Variants in CHRM3 observed in about 807,000 individuals in gnomAD.
CHRM3 encodes cholinergic receptor muscarinic 3, also known as muscarinic acetylcholine receptor M3.
Under a neutral mutation model 41.8 loss-of-function variants are expected in CHRM3, and 11 were observed. That is an observed-to-expected ratio of 0.26 (90% CI 0.17 to 0.44). CHRM3 has a LOEUF of 0.44. Ranked by LOEUF, CHRM3 falls within the 20% of genes least tolerant of loss-of-function variation. CHRM3 has a pLI of 1.00. For synonymous variants in CHRM3, 297 were observed against 301.4 expected (o/e 0.99, Z 0.15); for missense variants, 571 against 745.4 (o/e 0.77, Z 2.72).
At chr1:239,552,147 T>C (rs1020248559) in intron 3 of CHRM3, among the ~76,000 whole-genome samples, 11 of 149,090 alleles carry the variant, frequency 7.4e-5, no homozygotes, top group Non-Finnish European at 1.5e-5. Flanking sequence ...TAATATATGA[T>C]ATATATTTAT....
intron 6 of CHRM3, among the ~76,000 whole-genome samples, chr1:239,867,877 C>G (rs1676250008): frequency 6.6e-6 from 1 of 152,266 alleles, no homozygotes; most frequent in East Asian, 1.9e-4. Context: ...ATGTAACTGG[C>G]AACAACCCCA....
At chr1:239,682,276 CTT>C (rs914081312) in intron 5 of CHRM3, among the ~76,000 whole-genome samples, 2 of 152,184 alleles carry the variant, frequency 1.3e-5, no homozygotes, top group Admixed American at 6.6e-5. Context: ...TCACAGATTC[CTT>C]TCAAGCCATT....
At chr1:239,617,603 G>A (rs758560032) in intron 3 of CHRM3, among the ~76,000 whole-genome samples, 4 of 152,088 alleles carry the variant, frequency 2.6e-5, no homozygotes, top group South Asian at 2.1e-4. Context: ...GCATAGTGGC[G>A]CATGTCTGTA....
At chr1:239,727,027 A>T (rs1663501646) in intron 5 of CHRM3, among the ~76,000 whole-genome samples, 1 of 151,912 alleles carries the variant, frequency 6.6e-6, no homozygotes, top group South Asian at 2.1e-4. Context: ...TACAAAAATC[A>T]TTTAAGCTCT....
At chr1:239,878,407 A>G (rs867016256) in intron 6 of CHRM3, among the ~76,000 whole-genome samples, 21 of 152,018 alleles carry the variant, frequency 1.4e-4, no homozygotes, top group African/African-American at 4.4e-4. Flanking sequence ...TGATCTGACA[A>G]GAGGCAGAGC....
intron 4 of CHRM3, among the ~76,000 whole-genome samples, chr1:239,645,029 C>T (rs1284800495): frequency 6.6e-6 from 1 of 152,222 alleles, no homozygotes; most frequent in Non-Finnish European, 1.5e-5. Flanking sequence ...CCTCCATCAG[C>T]TCACAGCCCC....
intron 5 of CHRM3, among the ~76,000 whole-genome samples, chr1:239,749,941 C>T (rs1368102383): frequency 6.6e-6 from 1 of 152,170 alleles, no homozygotes; most frequent in Non-Finnish European, 1.5e-5. Context: ...AATAATAATA[C>T]CACGGCTTTG....
At chr1:239,548,824 G>A (rs768251273) in intron 3 of CHRM3, among the ~76,000 whole-genome samples, 7 of 152,152 alleles carry the variant, frequency 4.6e-5, no homozygotes, top group Admixed American at 1.3e-4. Context: ...ATGAAGTCTC[G>A]TATTAGGATT....
chr1:239,679,717 A>G (rs932913125), intron 5 of CHRM3, among the ~76,000 whole-genome samples: 1 of 152,080 alleles, frequency 6.6e-6, no homozygotes, highest in Non-Finnish European at 1.5e-5. Context: ...TAGTTCGTTT[A>G]TTTTATTATT....
chr1:239,597,515 T>A (rs998085860), intron 3 of CHRM3, among the ~76,000 whole-genome samples: 1 of 152,168 alleles, frequency 6.6e-6, no homozygotes. Context: ...TGCAGTTAGC[T>A]TTCTCCTCAT....
intron 6 of CHRM3, among the ~76,000 whole-genome samples, chr1:239,871,695 G>C (rs1226714962): frequency 6.6e-6 from 1 of 151,916 alleles, no homozygotes; most frequent in African/African-American, 2.4e-5. Flanking sequence ...TTTTGTATAG[G>C]TACATGCAGT....
chr1:239,440,880 A>C (rs1280900894), intron 1 of CHRM3, among the ~76,000 whole-genome samples: 2 of 152,176 alleles, frequency 1.3e-5, no homozygotes, highest in African/African-American at 4.8e-5. Context: ...AAATGTCTCC[A>C]TAGTTAAACT....
chr1:239,774,161 A>T (rs952217255), intron 5 of CHRM3, among the ~76,000 whole-genome samples: 1 of 152,210 alleles, frequency 6.6e-6, no homozygotes, highest in African/African-American at 2.4e-5. Context: ...TGCCAGTAAT[A>T]CCAGGACTCT....
rs1256427612 is a variant in CHRM3, at chr1:239,913,683, C to A, written c.*4459C>A. ...GTGTTAATGTCTGGGAAGGGAGGCT[C>A]ATGATAAGAAAATAAAAATGAGAAA... On this transcript the variant is annotated 3_prime_UTR_variant, in exon 7 of 7. Coordinates refer to ENST00000676153, the MANE Select transcript of CHRM3 (RefSeq NM_001375978.1). 6.0e-6 allele frequency: 1 copy of A among 166,774 alleles called. No homozygotes were observed. Among genetic ancestry groups the A allele is most frequent in the Non-Finnish European group, 1.5e-5 (1 of 68,092 alleles). The allele number at this position is 166,774 out of a possible 1,614,324, so 10.3% of individuals were successfully genotyped here.
intron 4 of CHRM3, among the ~76,000 whole-genome samples, chr1:239,636,419 A>T (rs1052633439): frequency 6.6e-6 from 1 of 152,198 alleles, no homozygotes; most frequent in Admixed American, 6.5e-5. Context: ...GAATTGTCAC[A>T]GTGACTATCC....
At chr1:239,654,676 G>A (rs1672554615) in intron 4 of CHRM3, among the ~76,000 whole-genome samples, 1 of 152,210 alleles carries the variant, frequency 6.6e-6, no homozygotes, top group South Asian at 2.1e-4. Flanking sequence ...TGGGATTACA[G>A]GCATGAGCCA....
intron 1 of CHRM3, among the ~76,000 whole-genome samples, chr1:239,407,881 G>T (rs1660735686): frequency 6.6e-6 from 1 of 152,170 alleles, no homozygotes; most frequent in Non-Finnish European, 1.5e-5. Context: ...CCATAAAGTG[G>T]AAGAGGAAGA....
At chr1:239,858,587 G>T (rs1041271521) in intron 6 of CHRM3, among the ~76,000 whole-genome samples, 2 of 151,022 alleles carry the variant, frequency 1.3e-5, no homozygotes, top group Non-Finnish European at 2.9e-5. Context: ...CGTTTGTTTG[G>T]TTTTTTAAGG....
intron 6 of CHRM3, among the ~76,000 whole-genome samples, chr1:239,899,169 G>A (rs1480278055): frequency 6.6e-6 from 1 of 151,916 alleles, no homozygotes; most frequent in Non-Finnish European, 1.5e-5. Flanking sequence ...GATATTGATT[G>A]TCATTATGTG....
Sources: gnomAD v4.1 joint callset for allele counts (sites outside exome capture counted in the v4.1 genomes callset) on GRCh38, gnomAD v4.1.1 for gene constraint, MANE v1.5 for transcripts, NCBI Gene and HGNC (gene_info 2026-07-23, HGNC 2026-07-21) for gene names.